Variants in RIT2 observed in about 807,000 individuals in gnomAD.
RIT2 encodes the protein GTP-binding protein Rit2.
A neutral mutation model predicts 23.7 loss-of-function variants in RIT2; 24 were observed. The ratio of observed to expected loss-of-function variants is 1.01; its 90% CI spans 0.73 to 1.43. The LOEUF (loss-of-function observed/expected upper bound fraction) is 1.43. RIT2 is among the 40% of genes most tolerant of loss of function. The pLI, the probability that RIT2 is intolerant of heterozygous loss-of-function variation, is 0.00. For missense variants in RIT2, 236 were observed against 266.9 expected, an observed-to-expected ratio of 0.88 and a Z score of 0.81; for synonymous variants, 107 against 91.1, an observed-to-expected ratio of 1.17 and a Z score of -0.99.
intron 4 of RIT2, among the ~76,000 whole-genome samples, chr18:42,749,801 A>G (rs1913004354): frequency 6.6e-6 from 1 of 151,888 alleles, no homozygotes; most frequent in Non-Finnish European, 1.5e-5. Context: ...TAGACAAAAA[A>G]TTAAATTCGT....
intron 2 of RIT2, among the ~76,000 whole-genome samples, chr18:42,982,183 T>C (rs4517871): frequency 0.18 from 27,181 of 152,152 alleles, 2,670 homozygotes; most frequent in Middle Eastern, 0.23. Context: ...GCCTCAGAAC[T>C]TGGGGAGCTG....
At position 42,743,718 on chromosome 18, in the gene RIT2, A is replaced by T. The variant is rs1243523309; in HGVS notation, c.429T>A (p.Val143=). The change falls in exon 5 of 5, where the codon GTT becomes GTA. Residue 143 remains valine (V), a splice_region_variant and synonymous_variant. Transcript: ENST00000326695. ...CAAGACTCAAGCCTTCTTCTGTAGA[A>T]ACCTAAGGAAAAAACAAATAATATT... ...NKIDLEQFRQ[V]STEEGLSLAQ... 1 of 1,594,042 alleles carries T rather than the reference A, an allele frequency of 6.3e-7. No individual in the cohort carries two copies. Among genetic ancestry groups the T allele is most frequent in the East Asian group, 2.2e-5 (1 of 44,698 alleles).
At position 43,082,417 on chromosome 18, in the gene RIT2, T is replaced by TACAACA. The variant is rs544304455; in HGVS notation, c.103+32994_103+32999dup. Among the ~76,000 whole-genome samples the TACAACA allele has an allele frequency of 3.5e-3, 525 of 151,976 alleles. 3 individuals carry two copies. Among genetic ancestry groups the TACAACA allele is most frequent in the African/African-American group, 0.011 (443 of 41,484 alleles). Reference sequence around the variant, plus strand: ...TCCTGATACCAAAACCTAGCAGAGATACAACAACAACAACAAAATTTCAGG... The same window carrying TACAACA: ...TCCTGATACCAAAACCTAGCAGAGATACAACAACAACAACAACAACAAAATTTCAGG... On this transcript the variant is annotated intron_variant, in intron 1 of 4. Transcript: ENST00000326695.
At chr18:43,106,397 T>C (rs1913823187) in intron 1 of RIT2, among the ~76,000 whole-genome samples, 1 of 152,204 alleles carries the variant, frequency 6.6e-6, no homozygotes, top group African/African-American at 2.4e-5. Context: ...CAAACATTGA[T>C]TTTCACATAT....
At chr18:42,962,807 T>C (rs879840307) in intron 3 of RIT2, among the ~76,000 whole-genome samples, 1 of 152,198 alleles carries the variant, frequency 6.6e-6, no homozygotes, top group Non-Finnish European at 1.5e-5. Flanking sequence ...TTGCATTAAA[T>C]AGAACTCAGA....
chr18:43,037,136 C>T (rs1256864374), intron 1 of RIT2, among the ~76,000 whole-genome samples: 2 of 152,126 alleles, frequency 1.3e-5, no homozygotes, highest in Non-Finnish European at 2.9e-5. Flanking sequence ...TAACAATGGT[C>T]TATCTTTTAC....
At chr18:42,877,958 C>T (rs1396839313) in intron 4 of RIT2, among the ~76,000 whole-genome samples, 3 of 151,778 alleles carry the variant, frequency 2.0e-5, no homozygotes, top group African/African-American at 7.3e-5. Context: ...GTTTAGACTT[C>T]GGTCTCATTC....
At chr18:42,921,158 T>C (rs111629640) in intron 4 of RIT2, among the ~76,000 whole-genome samples, 115 of 152,246 alleles carry the variant, frequency 7.6e-4, no homozygotes, top group African/African-American at 2.6e-3. Flanking sequence ...AAAGTGTGAA[T>C]TGAAATCATT....
chr18:42,865,669 T>A (rs929089020), intron 4 of RIT2, among the ~76,000 whole-genome samples: 3 of 152,156 alleles, frequency 2.0e-5, no homozygotes, highest in African/African-American at 7.2e-5. Context: ...ACATTCAGTT[T>A]TATGAACTTC....
At chr18:42,828,565 G>T (rs1232077127) in intron 4 of RIT2, among the ~76,000 whole-genome samples, 1 of 152,164 alleles carries the variant, frequency 6.6e-6, no homozygotes, top group African/African-American at 2.4e-5. Context: ...AATTAAGTTG[G>T]TTGAGTTAAT....
chr18:42,896,694 T>C (rs1439854151), intron 4 of RIT2, among the ~76,000 whole-genome samples: 1 of 152,230 alleles, frequency 6.6e-6, no homozygotes, highest in Non-Finnish European at 1.5e-5. Flanking sequence ...AAGTCTAGAT[T>C]GTCTGGAGGA....
intron 4 of RIT2, among the ~76,000 whole-genome samples, chr18:42,822,138 C>G (rs185982533): frequency 1.4e-4 from 21 of 152,212 alleles, no homozygotes; most frequent in African/African-American, 5.1e-4. Flanking sequence ...TGAGACACTG[C>G]CTAATACCAT....
intron 4 of RIT2, among the ~76,000 whole-genome samples, chr18:42,832,898 C>CA (rs1233562024): frequency 2.0e-5 from 3 of 151,578 alleles, no homozygotes; most frequent in African/African-American, 7.3e-5. Context: ...ATTAAAAATA[C>CA]AAAAAAGTAG....
intron 4 of RIT2, among the ~76,000 whole-genome samples, chr18:42,795,561 GC>G (rs1905320387): frequency 1.3e-5 from 2 of 152,332 alleles, no homozygotes; most frequent in South Asian, 4.1e-4. Context: ...GATGAGCGCA[GC>G]CCCCTGCTCC....
chr18:43,027,882 T>C (rs113533961), intron 2 of RIT2, among the ~76,000 whole-genome samples: 25 of 152,236 alleles, frequency 1.6e-4, no homozygotes, highest in African/African-American at 4.1e-4. Context: ...TCTGAAATTA[T>C]GTGACCATAG....
intron 2 of RIT2, among the ~76,000 whole-genome samples, chr18:42,976,589 G>T (rs749944833): frequency 6.6e-6 from 1 of 151,922 alleles, no homozygotes; most frequent in African/African-American, 2.4e-5. Context: ...TCATGTAGTT[G>T]TTACAAGGAT....
chr18:43,044,756 C>T (rs934167494), intron 1 of RIT2, among the ~76,000 whole-genome samples: 1 of 152,182 alleles, frequency 6.6e-6, no homozygotes, highest in Non-Finnish European at 1.5e-5. Flanking sequence ...TGGTGTTCAA[C>T]TAAGCAGCTG....
chr18:42,912,232 A>G lies in RIT2; in HGVS notation c.426+11340T>C, dbSNP rs552821844. Among the ~76,000 whole-genome samples, 965 of 125,424 alleles carry G rather than the reference A, an allele frequency of 7.7e-3. 6 individuals are homozygous for G. Among genetic ancestry groups the G allele is most frequent in the African/African-American group, 0.038 (894 of 23,492 alleles). 82.3% of individuals were successfully genotyped at this position (125,424 alleles called of 152,430 possible). The stretch of plus-strand genomic sequence containing the variant: ...AAAGTATATTAAATACCCATTCATG[A>G]AAAAAAAAAATCACTTTCAGTACAT... On this transcript the variant is annotated intron_variant, in intron 4 of 4. Coordinates refer to ENST00000326695, the MANE Select transcript of RIT2 (RefSeq NM_002930.4).
intron 4 of RIT2, among the ~76,000 whole-genome samples, chr18:42,862,253 T>A (rs1907347740): frequency 6.6e-6 from 1 of 151,880 alleles, no homozygotes; most frequent in Admixed American, 6.6e-5. Flanking sequence ...AAAGTGGCAC[T>A]TCTCCCTTCA....
Sources: gnomAD v4.1 joint callset for allele counts (sites outside exome capture counted in the v4.1 genomes callset) on GRCh38, gnomAD v4.1.1 for gene constraint, MANE v1.5 for transcripts, NCBI Gene and HGNC (gene_info 2026-07-23, HGNC 2026-07-21) for gene names.